Variants in SEC13 observed in about 807,000 individuals in gnomAD.
SEC13 encodes the protein SEC13 homolog, nuclear pore and COPII component.
Under a neutral mutation model 49.2 loss-of-function variants are expected in SEC13, and 25 were observed. The observed-to-expected ratio is 0.51, with a 90% CI of 0.37 to 0.71. SEC13 has a LOEUF of 0.71. Ranked by LOEUF, SEC13 falls within the 30% of genes least tolerant of loss-of-function variation. SEC13 has a pLI of 0.00. For synonymous variants in SEC13, 148 were observed against 163.9 expected (o/e 0.90, Z 0.74); for missense variants, 383 against 417.6 (o/e 0.92, Z 0.72).
At chr3:10,320,999 G>T (rs1270728667) in intron 1 of SEC13, 51 bp downstream of exon 1, 2 of 1,606,660 alleles carry the variant, frequency 1.2e-6, no homozygotes, top group Non-Finnish European at 1.7e-6. Context: ...ACCCGTGAAG[G>T]CCGCGACCGT....
intron 8 of SEC13, chr3:10,303,653 C>A: frequency 6.9e-6 from 2 of 289,174 alleles, no homozygotes; most frequent in East Asian, 8.4e-5. Context: ...AAAAATATCC[C>A]CAATCTTCTT....
At chr3:10,320,622 C>A (rs2059759481) in intron 1 of SEC13, 1 of 1,001,612 alleles carries the variant, frequency 1.0e-6, no homozygotes. Context: ...ACTTAAGCAG[C>A]TGTGCAAGAG....
intron 1 of SEC13, among the ~76,000 whole-genome samples, chr3:10,318,389 G>A (rs934966608): frequency 4.0e-5 from 6 of 151,820 alleles, no homozygotes; most frequent in Non-Finnish European, 8.8e-5. Flanking sequence ...TGGTAGACAC[G>A]AATTGAGCCC....
At chr3:10,302,883 C>T (rs1471064336) in intron 8 of SEC13, among the ~76,000 whole-genome samples, 1 of 152,218 alleles carries the variant, frequency 6.6e-6, no homozygotes, top group African/African-American at 2.4e-5. Flanking sequence ...CTGACACATG[C>T]TACGTACAGC....
rs372158103 is a variant in SEC13 at position 10,302,225 on chromosome 3, G to A, written c.856-851C>T. Among the ~76,000 whole-genome samples, 71 of 152,290 alleles carry A rather than the reference G, an allele frequency of 4.7e-4. 1 individual carries two copies. Among genetic ancestry groups the A allele is most frequent in the Admixed American group, 9.8e-4 (15 of 15,290 alleles). On this transcript the variant is annotated intron_variant, in intron 8 of 8. Coordinates refer to ENST00000350697, the MANE Select transcript of SEC13 (RefSeq NM_183352.3). ...TGCACTCCAGCCTGGACGACAGAGC[G>A]AGACTCGATCTCAAAAAACAAAACA...
chr3:10,316,828 C>T (rs1206835801), intron 2 of SEC13, among the ~76,000 whole-genome samples: 2 of 152,014 alleles, frequency 1.3e-5, no homozygotes, highest in African/African-American at 4.8e-5. Context: ...ATGGAGAAAA[C>T]TTGCCTCTAC....
At chr3:10,310,291 G>C (rs973324388) in intron 5 of SEC13, among the ~76,000 whole-genome samples, 1 of 152,196 alleles carries the variant, frequency 6.6e-6, no homozygotes, top group Non-Finnish European at 1.5e-5. Flanking sequence ...AGGAGTTTGA[G>C]ACCAACCTGG....
chr3:10,308,491 A>G (rs903562887), intron 5 of SEC13, among the ~76,000 whole-genome samples: 11 of 152,172 alleles, frequency 7.2e-5, no homozygotes, highest in Admixed American at 2.0e-4. Flanking sequence ...CATGTGGACT[A>G]TTTCCAGTTT....
intron 6 of SEC13, 103 bp from the exon 7 acceptor site, chr3:10,305,259 TTTC>T: frequency 6.9e-7 from 1 of 1,449,514 alleles, no homozygotes; most frequent in African/African-American, 1.4e-5. Context: ...CGATTCCATC[TTTC>T]TTCTTTCATT....
chr3:10,311,842 A>G, intron 5 of SEC13, 123 bp downstream of exon 5: 1 of 1,586,086 alleles, frequency 6.3e-7, no homozygotes, highest in Non-Finnish European at 8.6e-7. Flanking sequence ...ATGTCTGGTC[A>G]GCTGACCACT....
At position 10,312,755 on chromosome 3, in the gene SEC13, G is replaced by A. The variant is rs1205872931; in HGVS notation, c.165-25C>T. ...ACTACAAAGGGAGAGATAGGCCAGAGGAACCCACAGTGCCTCTGCAGGCAC... is the reference window on the plus strand; with the variant it reads ...ACTACAAAGGGAGAGATAGGCCAGAAGAACCCACAGTGCCTCTGCAGGCAC... On this transcript the variant is annotated intron_variant, in intron 3 of 8. Transcript: ENST00000350697. 5 of 1,613,474 alleles carry A rather than the reference G, an allele frequency of 3.1e-6. No individual in the cohort carries two copies. In the African/African-American group the frequency reaches 6.7e-5, roughly 22 times the overall value.
At chr3:10,318,268 A>G (rs1392103319) in intron 1 of SEC13, among the ~76,000 whole-genome samples, 174 bp from the exon 2 acceptor site, 2 of 152,132 alleles carry the variant, frequency 1.3e-5, no homozygotes, top group African/African-American at 4.8e-5. Flanking sequence ...ATATACAGAC[A>G]CAAATAAGAG....
rs771590480 is a variant in SEC13 at position 10,321,009 on chromosome 3, T to C, written c.3+41A>G. ...GAGGAACCCGTGAAGGCCGCGACCG[T>C]GGCCTTCACCCTGCTAGGCCTCCTC... On this transcript the variant is annotated intron_variant, in intron 1 of 8. Coordinates refer to ENST00000350697, the MANE Select transcript of SEC13 (RefSeq NM_183352.3). This position sits in a 1 kb window ranked among gnomAD's most constrained non-coding sequence, Gnocchi z 4.1. The C allele has an allele frequency of 9.9e-6, 16 of 1,609,430 alleles. No individual in the cohort carries two copies. Among genetic ancestry groups the C allele is most frequent in the Non-Finnish European group, 1.3e-5 (15 of 1,178,384 alleles).
At position 10,318,139 on chromosome 3, in the gene SEC13, A is replaced by C. The variant is rs1701720928; in HGVS notation, c.4-45T>G. The C allele has an allele frequency of 2.3e-6, 3 of 1,313,368 alleles. No homozygotes were observed. The Admixed American group carries it at 5.1e-5, about 22-fold the overall frequency. The allele number at this position is 1,313,368 out of a possible 1,614,324, so 81.4% of individuals were successfully genotyped here. ...TGGTAAATTAACTCATGGCAGTTAG[A>C]ATACAACCATCTCAAGTTCTTGACT... On this transcript the variant is annotated intron_variant, in intron 1 of 8. Transcript: ENST00000350697.
intron 7 of SEC13, 64 bp downstream of exon 7, chr3:10,304,969 A>T: frequency 6.2e-7 from 1 of 1,610,520 alleles, no homozygotes; most frequent in Non-Finnish European, 8.5e-7. Flanking sequence ...TGCTAAGGAG[A>T]CTAAGAGCTG....
chr3:10,318,304 C>T (rs950353868), intron 1 of SEC13, among the ~76,000 whole-genome samples: 1 of 152,012 alleles, frequency 6.6e-6, no homozygotes, highest in Middle Eastern at 3.4e-3. Context: ...GAGAAGCTCG[C>T]GAATAATGCT....
chr3:10,301,406 G>A, intron 8 of SEC13, 32 bp from the exon 9 acceptor site: 1 of 1,613,722 alleles, frequency 6.2e-7, no homozygotes, highest in Non-Finnish European at 8.5e-7. Context: ...GATTATCACG[G>A]GTCTGTGCCC....
At chr3:10,316,661 A>G (rs1298526930) in intron 2 of SEC13, among the ~76,000 whole-genome samples, 1 of 152,208 alleles carries the variant, frequency 6.6e-6, no homozygotes, top group Admixed American at 6.5e-5. Flanking sequence ...TAGTTCCCTT[A>G]TCTTTAAATA....
intron 1 of SEC13, among the ~76,000 whole-genome samples, chr3:10,320,326 G>A (rs183928638): frequency 1.5e-4 from 23 of 152,306 alleles, no homozygotes; most frequent in African/African-American, 5.5e-4. Flanking sequence ...GCATGTACTA[G>A]ATATTCCAGG....
Sources: allele counts gnomAD v4.1 joint callset (sites outside exome capture counted in the v4.1 genomes callset), GRCh38; gene constraint gnomAD v4.1.1; non-coding constraint Gnocchi (gnomAD v3.1); transcripts MANE v1.5; gene names NCBI Gene and HGNC (gene_info 2026-07-23, HGNC 2026-07-21).